COL24A1: variants seen among roughly 807,000 people sequenced by gnomAD.
COL24A1 encodes collagen type XXIV alpha 1 chain.
A neutral mutation model predicts 253.9 loss-of-function variants in COL24A1; 224 were observed. The ratio of observed to expected loss-of-function variants is 0.88; its 90% CI spans 0.79 to 0.99. COL24A1 has a LOEUF of 0.99. Ranked by LOEUF, COL24A1 falls within the 50% of genes least tolerant of loss-of-function variation. The pLI, the probability that COL24A1 is intolerant of heterozygous loss-of-function variation, is 0.00. For synonymous variants in COL24A1, 685 were observed against 673.7 expected, an observed-to-expected ratio of 1.02 and a Z score of -0.26; for missense variants, 2,131 against 2,068.5, an observed-to-expected ratio of 1.03 and a Z score of -0.59.
At chr1:85,982,768 C>A (rs1693378494) in intron 20 of COL24A1, among the ~76,000 whole-genome samples, 1 of 151,944 alleles carries the variant, frequency 6.6e-6, no homozygotes, top group Non-Finnish European at 1.5e-5. Flanking sequence ...AAAAAGAAGA[C>A]CATGTTTTAA....
intron 59 of COL24A1, among the ~76,000 whole-genome samples, chr1:85,731,850 A>G (rs1480011598): frequency 6.6e-6 from 1 of 152,222 alleles, no homozygotes; most frequent in Non-Finnish European, 1.5e-5. Context: ...TGGAATATAG[A>G]TGGGCTTTAA....
chr1:85,867,689 A>C (rs963218424), intron 37 of COL24A1, among the ~76,000 whole-genome samples: 1 of 125,112 alleles, frequency 8.0e-6, no homozygotes, highest in African/African-American at 2.7e-5. Context: ...TATCTGGAAG[A>C]CTATAATAAA....
chr1:85,832,839 G>T (rs1406775558), intron 43 of COL24A1, among the ~76,000 whole-genome samples: 4 of 150,058 alleles, frequency 2.7e-5, no homozygotes, highest in Non-Finnish European at 5.9e-5. Flanking sequence ...GAGACAATGG[G>T]GTTTTCTAGA....
intron 20 of COL24A1, among the ~76,000 whole-genome samples, chr1:85,977,439 G>T (rs567190424): frequency 6.6e-6 from 1 of 152,226 alleles, no homozygotes; most frequent in South Asian, 2.1e-4. Context: ...CCAGTGAAAG[G>T]TGAAAACCAA....
At position 85,797,604 on chromosome 1, in the gene COL24A1, T is replaced by C. The variant is rs547008634; in HGVS notation, c.3952-11143A>G. On this transcript the variant is annotated intron_variant, in intron 47 of 59. Coordinates refer to ENST00000370571, the MANE Select transcript of COL24A1 (RefSeq NM_152890.7). ...AAACTAAGATGCCTGGTTTGAATTC[T>C]GATTGGATTACTTGTTGTCTGTGTG... is the stretch of plus-strand genomic sequence containing the variant. Among the ~76,000 whole-genome samples, 9 of 152,312 alleles carry C rather than the reference T, an allele frequency of 5.9e-5. No homozygotes were observed. The South Asian group carries it at 1.9e-3, about 32-fold the overall frequency.
chr1:86,059,300 T>C, intron 8 of COL24A1, 126 bp from the exon 9 acceptor site: 1 of 541,846 alleles, frequency 1.8e-6, no homozygotes. Flanking sequence ...ATGGCTTATG[T>C]AACTGAAATC....
At chr1:85,768,501 G>C (rs139126656) in intron 53 of COL24A1, among the ~76,000 whole-genome samples, 353 of 151,024 alleles carry the variant, frequency 2.3e-3, no homozygotes, top group Middle Eastern at 6.9e-3. Flanking sequence ...AAGAATGAGA[G>C]ATGGATTGAG....
chr1:85,872,868 C>A (rs978474190), intron 35 of COL24A1, among the ~76,000 whole-genome samples: 8 of 152,116 alleles, frequency 5.3e-5, no homozygotes, highest in Middle Eastern at 3.2e-3. Context: ...AGCTTCTGCA[C>A]AGAAAAAGAA....
chr1:86,122,903 TAA>T (rs1276292158), intron 3 of COL24A1, among the ~76,000 whole-genome samples: 1 of 151,976 alleles, frequency 6.6e-6, no homozygotes. Context: ...GAGAACAAGA[TAA>T]AGTTAGAATG....
intron 19 of COL24A1, among the ~76,000 whole-genome samples, chr1:86,006,543 C>T (rs775546100): frequency 2.0e-5 from 3 of 152,038 alleles, no homozygotes; most frequent in East Asian, 1.9e-4. Flanking sequence ...ATGTAAAATG[C>T]AATATTATAA....
chr1:86,128,788 CT>C (rs1455663698), intron 2 of COL24A1, among the ~76,000 whole-genome samples: 1 of 151,726 alleles, frequency 6.6e-6, no homozygotes, highest in Non-Finnish European at 1.5e-5. Context: ...AATAAATTTC[CT>C]GTTATTGAAC....
intron 31 of COL24A1, among the ~76,000 whole-genome samples, chr1:85,890,005 A>T (rs1011787534): frequency 6.6e-6 from 1 of 152,098 alleles, no homozygotes; most frequent in Non-Finnish European, 1.5e-5. Context: ...ATCATACAAT[A>T]TCTGTCTTTC....
chr1:85,812,351 A>T (rs1672634456), intron 47 of COL24A1, among the ~76,000 whole-genome samples: 1 of 152,162 alleles, frequency 6.6e-6, no homozygotes, highest in Non-Finnish European at 1.5e-5. Context: ...TTAATGGAGG[A>T]GGAAAAACCT....
chr1:85,842,672 C>T (rs999280241), intron 39 of COL24A1, among the ~76,000 whole-genome samples: 10 of 152,024 alleles, frequency 6.6e-5, no homozygotes, highest in African/African-American at 2.4e-4. Context: ...AATCCTGCTG[C>T]TCCCTAACGA....
chr1:85,959,543 T>G (rs1690806271), intron 24 of COL24A1, among the ~76,000 whole-genome samples: 1 of 152,168 alleles, frequency 6.6e-6, no homozygotes, highest in Admixed American at 6.5e-5. Flanking sequence ...CTCAATGTGC[T>G]CCAGATTCCT....
At position 86,046,116 on chromosome 1, in the gene COL24A1, A is replaced by G. The variant is rs531208112; in HGVS notation, c.1950+709T>C. Among the ~76,000 whole-genome samples, 179 of 152,310 alleles carry G rather than the reference A, an allele frequency of 1.2e-3. 2 individuals are homozygous for G. Among genetic ancestry groups the G allele is most frequent in the Middle Eastern group, 6.8e-3 (2 of 294 alleles). ...AAGCTTGAAGGATAAATGTTACAAA[A>G]TGATTTGAGTATTCTGGTGAGAGCT... On this transcript the variant is annotated intron_variant, in intron 12 of 59. Coordinates refer to ENST00000370571, the MANE Select transcript of COL24A1 (RefSeq NM_152890.7).
At chr1:85,941,452 C>T (rs12567327) in intron 24 of COL24A1, among the ~76,000 whole-genome samples, 7,014 of 152,082 alleles carry the variant, frequency 0.046, 484 homozygotes, top group Admixed American at 0.19. Flanking sequence ...AGTCTTTGAA[C>T]CAATTTGGGT....
intron 24 of COL24A1, among the ~76,000 whole-genome samples, chr1:85,917,908 A>G (rs1044267864): frequency 2.0e-5 from 3 of 152,086 alleles, no homozygotes; most frequent in South Asian, 2.1e-4. Flanking sequence ...GGGTTCCACC[A>G]TGTTGGCCAA....
chr1:85,865,659 T>C (rs551276225), intron 37 of COL24A1, among the ~76,000 whole-genome samples: 104 of 152,338 alleles, frequency 6.8e-4, no homozygotes, highest in Middle Eastern at 3.4e-3. Flanking sequence ...AATTCTGTTT[T>C]TTCCCTCTCT....
Sources: allele counts gnomAD v4.1 joint callset (sites outside exome capture counted in the v4.1 genomes callset), GRCh38; gene constraint gnomAD v4.1.1; transcripts MANE v1.5; gene names NCBI Gene and HGNC (gene_info 2026-07-23, HGNC 2026-07-21).